Variants in KCNQ1 observed in about 807,000 individuals in gnomAD.
KCNQ1 encodes the protein potassium voltage-gated channel subfamily Q member 1.
KCNQ1 carries 49 observed loss-of-function variants against 72.4 expected under a neutral mutation model. The observed-to-expected ratio is 0.68, with a 90% CI of 0.54 to 0.86. The LOEUF (loss-of-function observed/expected upper bound fraction) is 0.86, where lower values mean the gene tolerates loss of function less well. KCNQ1 is among the 40% of genes least tolerant of loss of function. The pLI is 0.00. For synonymous variants in KCNQ1, 450 were observed against 412.6 expected (o/e 1.09, Z -1.10); for missense variants, 790 against 945.1 (o/e 0.84, Z 2.15).
chr11:2,526,388 G>T lies in KCNQ1; in HGVS notation c.387-1540G>T, dbSNP rs2133645921. Among the ~76,000 whole-genome samples the T allele has an allele frequency of 6.6e-6, 1 of 152,260 alleles. No homozygotes were observed. Among genetic ancestry groups the T allele is most frequent in the African/African-American group, 2.4e-5 (1 of 41,550 alleles). On this transcript the variant is annotated intron_variant, in intron 1 of 15. Transcript: ENST00000155840. The surrounding 1 kb of genome is among the most constrained non-coding windows in gnomAD (Gnocchi z 6.1). ...CGGTGAGGCAGGTGGCTGAGGAAAT[G>T]GTAGCTGCAGGTTTTGGCCCCAGTC...
intron 6 of KCNQ1, among the ~76,000 whole-genome samples, chr11:2,577,281 G>A (rs559955878): frequency 7.2e-5 from 11 of 152,332 alleles, no homozygotes; most frequent in African/African-American, 2.6e-4. Flanking sequence ...GCTGGGGCTG[G>A]CCTGTGGTGG....
chr11:2,660,461 G>T, intron 10 of KCNQ1: 1 of 398,530 alleles, frequency 2.5e-6, no homozygotes, highest in South Asian at 1.3e-4. Flanking sequence ...ACATAATTCA[G>T]GTGAAAAAAC....
intron 1 of KCNQ1, among the ~76,000 whole-genome samples, chr11:2,521,999 G>A (rs895143877): frequency 6.6e-5 from 10 of 152,244 alleles, no homozygotes; most frequent in African/African-American, 2.2e-4. Flanking sequence ...ACAGCGTCTC[G>A]GGCTATGACC....
Position 2,663,581 on chromosome 11 carries a change from G to C in KCNQ1, c.1514+1500G>C, listed in dbSNP as rs1850008687. 1 of 398,590 alleles carries C rather than the reference G, an allele frequency of 2.5e-6. No individual in the cohort carries two copies. Among genetic ancestry groups the C allele is most frequent in the South Asian group, 1.3e-4 (1 of 7,814 alleles). 24.7% of individuals were successfully genotyped at this position (398,590 alleles called of 1,614,324 possible). On this transcript the variant is annotated intron_variant, in intron 11 of 15. Transcript: ENST00000155840. This position sits in a 1 kb window ranked among gnomAD's most constrained non-coding sequence, Gnocchi z 5.2. The stretch of plus-strand genomic sequence containing the variant: ...TTCTGGCTGCTTGCTTCTCCTGTTG[G>C]AGCTCTCGCTCACCTTGGTTCTCTT...
chr11:2,656,896 A>G (rs542993308), intron 10 of KCNQ1: 9 of 398,488 alleles, frequency 2.3e-5, no homozygotes, highest in African/African-American at 8.2e-5. Flanking sequence ...AATTTTTGGT[A>G]TATGATGTGA....
At position 2,679,674 on chromosome 11, in the gene KCNQ1, G is replaced by T. The variant is rs755915427; in HGVS notation, c.1514+17593G>T. The T allele has an allele frequency of 5.0e-6, 2 of 398,404 alleles. No homozygotes were observed. The highest frequency in any genetic ancestry group is 8.8e-6 in the Non-Finnish European group (2 of 226,064). The allele number at this position is 398,404 out of a possible 1,614,324, so 24.7% of individuals were successfully genotyped here. A position where few individuals can be genotyped will look rare whatever the true frequency, so the allele number is the denominator to read the frequency against. The stretch of plus-strand genomic sequence containing the variant: ...CTCATAAGATTATTTAGGATGCATA[G>T]GATCCCAGATTAGATTTTTTTTAAA... On this transcript the variant is annotated intron_variant, in intron 11 of 15. Coordinates refer to ENST00000155840, the MANE Select transcript of KCNQ1 (RefSeq NM_000218.3). The surrounding 1 kb of genome is among the most constrained non-coding windows in gnomAD (Gnocchi z 4.8).
At position 2,572,015 on chromosome 11, in the gene KCNQ1, G is replaced by A. The variant is rs199472708; in HGVS notation, c.686G>A (p.Gly229Asp). The change falls in exon 5 of 16, where the codon GGC becomes GAC. Residue 229 changes from glycine to aspartate, a missense_variant and splice_region_variant. Gly to Asp is a moderately conservative substitution (Grantham distance 94). Coordinates refer to ENST00000155840, the MANE Select transcript of KCNQ1 (RefSeq NM_000218.3). ...GQVFATSAIRGIRFLQILRML... is the reference protein window; with the variant it reads ...GQVFATSAIRDIRFLQILRML... ...GCCCCACACCATCTCCTTCGCAGGG[G>A]CATCCGCTTCCTGCAGATCCTGAGG... 2 of 1,612,058 alleles carry A rather than the reference G, an allele frequency of 1.2e-6. No homozygotes were observed. Among genetic ancestry groups the A allele is most frequent in the Non-Finnish European group, 1.7e-6 (2 of 1,179,412 alleles).
At position 2,592,464 on chromosome 11, in the gene KCNQ1, C is replaced by T. The variant is rs1189822692; in HGVS notation, c.1393+3610C>T. 5.3e-5 allele frequency among the ~76,000 whole-genome samples: 8 copies of T among 152,170 alleles called. No homozygotes were observed. The highest frequency in any genetic ancestry group is 7.4e-5 in the Non-Finnish European group (5 of 68,012). On this transcript the variant is annotated intron_variant, in intron 10 of 15. Transcript: ENST00000155840. This position sits in a 1 kb window ranked among gnomAD's most constrained non-coding sequence, Gnocchi z 5.2. ...AGGGGAGGCACCAGCCCTCATCCCACGCAGCAGGGCCCGCTGCTGCTCCCT... is the reference window on the plus strand; with the variant it reads ...AGGGGAGGCACCAGCCCTCATCCCATGCAGCAGGGCCCGCTGCTGCTCCCT...
chr11:2,728,909 C>T (rs1845807582), intron 11 of KCNQ1, among the ~76,000 whole-genome samples: 1 of 152,222 alleles, frequency 6.6e-6, no homozygotes, highest in South Asian at 2.1e-4. Flanking sequence ...TTGAAGTCCC[C>T]AGAAGTGTTT....
chr11:2,655,798 G>A (rs888984957), intron 10 of KCNQ1: 7 of 398,330 alleles, frequency 1.8e-5, no homozygotes, highest in Admixed American at 4.4e-5. Flanking sequence ...GAGAAAGCAC[G>A]CCCCACAGTC....
chr11:2,583,556 C>A lies in KCNQ1; in HGVS notation c.1032+11C>A. 1.9e-6 allele frequency: 3 copies of A among 1,589,418 alleles called. No homozygotes were observed. The highest frequency in any genetic ancestry group is 1.7e-6 in the Non-Finnish European group (2 of 1,157,584). On this transcript the variant is annotated intron_variant, in intron 7 of 15. Coordinates refer to ENST00000155840, the MANE Select transcript of KCNQ1 (RefSeq NM_000218.3). ...TTTGCGCTCCCAGCGGTAGGTGCCC[C>A]GTGGGTGCGTTTTCCCTGGCTCCTT...
chr11:2,760,165 T>C (rs942496177), intron 11 of KCNQ1, among the ~76,000 whole-genome samples: 4 of 152,114 alleles, frequency 2.6e-5, no homozygotes, highest in African/African-American at 9.7e-5. Flanking sequence ...TGGGGGCTCC[T>C]GGCTTTGAAT....
intron 1 of KCNQ1, among the ~76,000 whole-genome samples, chr11:2,510,171 C>A (rs1160450131): frequency 6.6e-6 from 1 of 151,842 alleles, no homozygotes; most frequent in Non-Finnish European, 1.5e-5. Context: ...CCCAACTACT[C>A]GGGAGGCTGA....
At chr11:2,474,483 G>T (rs1282548764) in intron 1 of KCNQ1, among the ~76,000 whole-genome samples, 2 of 152,232 alleles carry the variant, frequency 1.3e-5, no homozygotes, top group Non-Finnish European at 2.9e-5. Context: ...AGTGGCTGCA[G>T]ATAGCAGGCA....
chr11:2,534,332 C>G (rs1589935282), intron 2 of KCNQ1, among the ~76,000 whole-genome samples: 1 of 152,260 alleles, frequency 6.6e-6, no homozygotes, highest in African/African-American at 2.4e-5. Context: ...GCCTGCTCTG[C>G]GCACGGCCTG....
In KCNQ1 at chr11:2,445,310, C is replaced by T. The variant is rs781554759; in HGVS notation, c.212C>T (p.Ala71Val). The change falls in exon 1 of 16, where the codon GCC (alanine) becomes GTC (valine). Residue 71 changes from alanine to valine, a missense_variant. Physicochemically the swap from Ala to Val is moderately conservative, Grantham distance 64 (BLOSUM62 0). Coordinates refer to ENST00000155840, the MANE Select transcript of KCNQ1 (RefSeq NM_000218.3). ...PAPPASPAAP[A>V]APPVASDLGP... ...CCCCCTGCGTCCCCGGCCGCGCCCG[C>T]CGCGCCCCCAGTTGCCTCCGACCTT... 1.4e-6 allele frequency: 2 copies of T among 1,465,054 alleles called. No homozygotes were observed. Among genetic ancestry groups the T allele is most frequent in the Non-Finnish European group, 1.8e-6 (2 of 1,113,452 alleles). The allele number at this position is 1,465,054 out of a possible 1,614,324, so 90.8% of individuals were successfully genotyped here.
At chr11:2,656,377 T>C in intron 10 of KCNQ1, 1 of 398,626 alleles carries the variant, frequency 2.5e-6, no homozygotes, top group Non-Finnish European at 4.4e-6. Flanking sequence ...CCTTCCCTGG[T>C]CTCTCTAAGG....
At chr11:2,694,539 A>T in intron 11 of KCNQ1, 1 of 398,616 alleles carries the variant, frequency 2.5e-6, no homozygotes, top group East Asian at 3.6e-5. Flanking sequence ...TCAGATTTTG[A>T]CATGCTATTT....
chr11:2,487,336 A>G (rs1016168793), intron 1 of KCNQ1, among the ~76,000 whole-genome samples: 3 of 152,194 alleles, frequency 2.0e-5, no homozygotes, highest in Admixed American at 2.0e-4. Context: ...TTCTTTTTCA[A>G]TATTGCTTTT....
Sources: allele counts gnomAD v4.1 joint callset (sites outside exome capture counted in the v4.1 genomes callset), GRCh38; gene constraint gnomAD v4.1.1; non-coding constraint Gnocchi (gnomAD v3.1); transcripts MANE v1.5; gene names NCBI Gene and HGNC (gene_info 2026-07-23, HGNC 2026-07-21).